Variants in NR5A2 observed in about 807,000 individuals in gnomAD.
NR5A2 encodes nuclear receptor subfamily 5 group A member 2, also known as CYP7A promoter-binding factor.
In NR5A2, 26 loss-of-function variants were observed where a neutral mutation model predicts 62.7. That is an observed-to-expected ratio of 0.41 (90% CI 0.30 to 0.58). The LOEUF is 0.58. Among genes scored for constraint, NR5A2 ranks in the 20% least tolerant of loss-of-function variants. NR5A2 has a pLI of 0.22. For synonymous variants in NR5A2, 246 were observed against 241.7 expected (o/e 1.02, Z -0.16); for missense variants, 541 against 669.1 (o/e 0.81, Z 2.11).
intron 5 of NR5A2, among the ~76,000 whole-genome samples, chr1:200,094,330 G>A (rs895279758): frequency 2.0e-5 from 3 of 150,778 alleles, no homozygotes; most frequent in East Asian, 2.0e-4. Context: ...GGTTACAGGC[G>A]CGGGCTACCA....
chr1:200,059,548 T>C (rs558798909), intron 5 of NR5A2, among the ~76,000 whole-genome samples: 1 of 152,134 alleles, frequency 6.6e-6, no homozygotes, highest in Non-Finnish European at 1.5e-5. Context: ...TCCTCAGTGT[T>C]GGGGAGGTAG....
At chr1:200,035,595 GCCT>G (rs895273889) in intron 1 of NR5A2, among the ~76,000 whole-genome samples, 5 of 152,152 alleles carry the variant, frequency 3.3e-5, no homozygotes, top group African/African-American at 1.2e-4. Flanking sequence ...GGAGTGCGAG[GCCT>G]CCTCAGCTCC....
At chr1:200,091,387 A>C (rs552829807) in intron 5 of NR5A2, among the ~76,000 whole-genome samples, 119 of 151,144 alleles carry the variant, frequency 7.9e-4, no homozygotes, top group African/African-American at 2.8e-3. Flanking sequence ...GGGTTTAGTT[A>C]TTTGCCCGAG....
intron 5 of NR5A2, among the ~76,000 whole-genome samples, chr1:200,069,946 T>A (rs564370632): frequency 1.3e-5 from 2 of 152,332 alleles, no homozygotes; most frequent in South Asian, 4.1e-4. Flanking sequence ...TAGAGATATT[T>A]TTATGAAAAG....
intron 5 of NR5A2, among the ~76,000 whole-genome samples, chr1:200,087,976 C>A (rs1664632176): frequency 6.6e-6 from 1 of 152,052 alleles, no homozygotes; most frequent in African/African-American, 2.4e-5. Context: ...GTCTTGAACT[C>A]CTGATCGTAG....
chr1:200,133,623 AC>A (rs1667087659), intron 7 of NR5A2, among the ~76,000 whole-genome samples: 1 of 149,016 alleles, frequency 6.7e-6, no homozygotes, highest in African/African-American at 2.5e-5. Flanking sequence ...ACACACACAC[AC>A]ACGTATATAT....
At chr1:200,144,233 T>TCTCTCACACACACACA (rs1446217306) in intron 7 of NR5A2, among the ~76,000 whole-genome samples, 28 of 80,126 alleles carry the variant, frequency 3.5e-4, no homozygotes, top group African/African-American at 1.2e-3. Flanking sequence ...TCTCTCTCTC[T>TCTCTCACACACACACA]CACACACACA....
chr1:200,139,052 T>C (rs1262284439), intron 7 of NR5A2, among the ~76,000 whole-genome samples: 1 of 152,218 alleles, frequency 6.6e-6, no homozygotes, highest in Non-Finnish European at 1.5e-5. Context: ...AGTTCATCTT[T>C]CCTTTAGTCA....
intron 5 of NR5A2, chr1:200,057,711 C>T: frequency 3.7e-6 from 1 of 270,072 alleles, no homozygotes; most frequent in South Asian, 3.3e-5. Context: ...AACTCCTGAC[C>T]TCAGGGTGAT....
intron 6 of NR5A2, among the ~76,000 whole-genome samples, chr1:200,117,859 A>G (rs1558149537): frequency 6.6e-6 from 1 of 151,712 alleles, no homozygotes. Flanking sequence ...GATTACAGGC[A>G]CTTGCCACCA....
At chr1:200,086,801 G>T (rs934111721) in intron 5 of NR5A2, among the ~76,000 whole-genome samples, 1 of 152,122 alleles carries the variant, frequency 6.6e-6, no homozygotes, top group South Asian at 2.1e-4. Context: ...CACTTTGGGC[G>T]GCCAAGGCGG....
intron 7 of NR5A2, among the ~76,000 whole-genome samples, chr1:200,166,774 T>C: frequency 6.6e-6 from 1 of 152,234 alleles, no homozygotes; most frequent in East Asian, 1.9e-4. Context: ...AAATCCTAGA[T>C]GAGCTTCTCA....
intron 7 of NR5A2, among the ~76,000 whole-genome samples, chr1:200,167,820 C>T (rs890754388): frequency 6.6e-5 from 10 of 152,152 alleles, no homozygotes; most frequent in Non-Finnish European, 1.3e-4. Flanking sequence ...CTAGGATGTG[C>T]GTTCTCTTCC....
intron 5 of NR5A2, among the ~76,000 whole-genome samples, chr1:200,070,727 C>G (rs776910592): frequency 1.3e-5 from 2 of 150,492 alleles, no homozygotes; most frequent in African/African-American, 4.9e-5. Flanking sequence ...AACTTTTAAT[C>G]AAAAATCTGT....
chr1:200,041,612 C>T (rs1366983973), intron 2 of NR5A2, among the ~76,000 whole-genome samples: 1 of 152,174 alleles, frequency 6.6e-6, no homozygotes, highest in African/African-American at 2.4e-5. Flanking sequence ...TCCAAGGCAC[C>T]GCCGTCCGTT....
At position 200,120,870 on chromosome 1, in the gene NR5A2, A is replaced by G. The variant is rs1444377177; in HGVS notation, c.1293A>G (p.Ala431=). ...CCCTCAACAACCTCATGAGTCATGC[A>G]CAGGAGTTAGTGGCAAAACTTCGTT... ...GATLNNLMSH[A]QELVAKLRSL... The change falls in exon 7 of 8, where the codon GCA becomes GCG. Residue 431 remains alanine, a synonymous_variant. Transcript: ENST00000367362. The G allele has an allele frequency of 6.2e-7, 1 of 1,610,548 alleles. No homozygotes were observed. The highest frequency in any genetic ancestry group is 8.5e-7 in the Non-Finnish European group (1 of 1,178,522).
intron 5 of NR5A2, among the ~76,000 whole-genome samples, chr1:200,098,805 G>A (rs971192326): frequency 6.6e-4 from 100 of 152,284 alleles, no homozygotes; most frequent in African/African-American, 2.1e-3. Context: ...CATTCACAGT[G>A]TCAAAGACAG....
chr1:200,065,349 A>G lies in NR5A2; in HGVS notation c.1110+16531A>G, dbSNP rs180989754. Among the ~76,000 whole-genome samples the G allele has an allele frequency of 4.0e-5, 6 of 151,586 alleles. No individual in the cohort carries two copies. The South Asian group carries it at 6.3e-4, about 16-fold the overall frequency. ...AGGAGAGACAGGGTTTCACCATGTT[A>G]GCCAGGCTGGTCTCTAACTCCTGAC... On this transcript the variant is annotated intron_variant, in intron 5 of 7. Transcript: ENST00000367362.
chr1:200,056,546 T>C (rs548508671), intron 5 of NR5A2, among the ~76,000 whole-genome samples: 21 of 152,342 alleles, frequency 1.4e-4, no homozygotes, highest in African/African-American at 5.1e-4. Flanking sequence ...TTAGAGTTTT[T>C]TTTGTTACTT....
Sources: gnomAD v4.1 joint callset for allele counts (sites outside exome capture counted in the v4.1 genomes callset) on GRCh38, gnomAD v4.1.1 for gene constraint, MANE v1.5 for transcripts, NCBI Gene and HGNC (gene_info 2026-07-23, HGNC 2026-07-21) for gene names.